CNTNAP5: variants seen among roughly 807,000 people sequenced by gnomAD.
CNTNAP5 encodes contactin-associated protein-like 5.
In CNTNAP5, 72 loss-of-function variants were observed where a neutral mutation model predicts 150.2. That is an observed-to-expected ratio of 0.48 (90% CI 0.40 to 0.58). The LOEUF (loss-of-function observed/expected upper bound fraction) is 0.58. CNTNAP5 is among the 20% of genes least tolerant of loss of function. The probability of loss-of-function intolerance (pLI) is 0.00; values close to 1 mark genes in which losing one functional copy is unlikely to be tolerated. For synonymous variants in CNTNAP5, 672 were observed against 619.8 expected, an observed-to-expected ratio of 1.08 and a Z score of -1.25; for missense variants, 1,636 against 1,626.2, an observed-to-expected ratio of 1.01 and a Z score of -0.10.
intron 16 of CNTNAP5, among the ~76,000 whole-genome samples, chr2:124,766,817 A>G (rs925743852): frequency 4.0e-4 from 61 of 152,320 alleles, no homozygotes; most frequent in African/African-American, 1.5e-3. Flanking sequence ...GTTTGTTTGC[A>G]CTTTGTGGTA....
chr2:124,386,183 G>T (rs2553624), intron 3 of CNTNAP5, among the ~76,000 whole-genome samples: 108,607 of 151,984 alleles, frequency 0.71, 39,830 homozygotes, highest in East Asian at 0.89. Flanking sequence ...TGATAGCTGC[G>T]CAGAATCACC....
intron 11 of CNTNAP5, among the ~76,000 whole-genome samples, chr2:124,608,566 T>C (rs1316863191): frequency 6.6e-6 from 1 of 152,146 alleles, no homozygotes; most frequent in Non-Finnish European, 1.5e-5. Flanking sequence ...AGGAACTCAG[T>C]AAATGCTTAT....
chr2:124,425,140 G>A (rs1187271873), intron 4 of CNTNAP5, among the ~76,000 whole-genome samples: 1 of 152,152 alleles, frequency 6.6e-6, no homozygotes, highest in Middle Eastern at 3.2e-3. Flanking sequence ...AGTGGTCACT[G>A]GAGTGATTGA....
intron 11 of CNTNAP5, among the ~76,000 whole-genome samples, chr2:124,576,256 G>A (rs551423345): frequency 2.6e-5 from 4 of 152,158 alleles, no homozygotes; most frequent in Admixed American, 6.5e-5. Context: ...GTCTGTTAAC[G>A]GAGGAGTTGT....
chr2:124,493,117 A>G (rs1358137307), intron 7 of CNTNAP5, among the ~76,000 whole-genome samples: 1 of 152,064 alleles, frequency 6.6e-6, no homozygotes, highest in Admixed American at 6.6e-5. Context: ...ATGGTCTTAT[A>G]TAGCCTTTAC....
chr2:124,515,286 GC>G (rs1267140399), intron 8 of CNTNAP5, among the ~76,000 whole-genome samples: 1 of 152,208 alleles, frequency 6.6e-6, no homozygotes, highest in Non-Finnish European at 1.5e-5. Flanking sequence ...CTGGGGCAGA[GC>G]GGGGGGTGTC....
intron 10 of CNTNAP5, among the ~76,000 whole-genome samples, chr2:124,533,250 G>T (rs1448026517): frequency 1.3e-5 from 2 of 152,054 alleles, no homozygotes; most frequent in South Asian, 2.1e-4. Flanking sequence ...GGCCATGCAT[G>T]CATGGAGATC....
At chr2:124,178,214 A>G (rs992569425) in intron 1 of CNTNAP5, among the ~76,000 whole-genome samples, 1 of 152,162 alleles carries the variant, frequency 6.6e-6, no homozygotes, top group African/African-American at 2.4e-5. Context: ...GTTATTGCAC[A>G]TACTAAGCAA....
chr2:124,170,580 C>T (rs550015261), intron 1 of CNTNAP5, among the ~76,000 whole-genome samples: 5 of 152,114 alleles, frequency 3.3e-5, no homozygotes, highest in African/African-American at 7.2e-5. Flanking sequence ...ACTACAGGGC[C>T]TTTTAAGGAG....
intron 1 of CNTNAP5, among the ~76,000 whole-genome samples, chr2:124,157,134 G>A (rs1377912146): frequency 6.6e-6 from 1 of 151,824 alleles, no homozygotes; most frequent in African/African-American, 2.4e-5. Flanking sequence ...TAAAGTCTTT[G>A]AGGATTCTTA....
intron 12 of CNTNAP5, among the ~76,000 whole-genome samples, chr2:124,633,751 G>A (rs1034712030): frequency 6.6e-6 from 1 of 152,192 alleles, no homozygotes; most frequent in Admixed American, 6.5e-5. Context: ...GGACATACAG[G>A]CTTTCCAAAT....
At chr2:124,852,259 T>C (rs775679826) in intron 19 of CNTNAP5, among the ~76,000 whole-genome samples, 9 of 152,166 alleles carry the variant, frequency 5.9e-5, no homozygotes, top group Middle Eastern at 3.2e-3. Context: ...AACAGTTAGA[T>C]GGAGGTGCTG....
At chr2:124,062,725 G>T (rs961867600) in intron 1 of CNTNAP5, among the ~76,000 whole-genome samples, 1 of 152,156 alleles carries the variant, frequency 6.6e-6, no homozygotes, top group Non-Finnish European at 1.5e-5. Context: ...AAAGCTCTAA[G>T]TTGTCTGTGT....
intron 13 of CNTNAP5, among the ~76,000 whole-genome samples, chr2:124,706,244 G>T (rs1261081710): frequency 2.0e-5 from 3 of 150,240 alleles, no homozygotes; most frequent in African/African-American, 7.3e-5. Flanking sequence ...GGTTTGAAAA[G>T]AAAAAAAAAG....
At chr2:124,089,776 T>C (rs1364756302) in intron 1 of CNTNAP5, among the ~76,000 whole-genome samples, 1 of 152,228 alleles carries the variant, frequency 6.6e-6, no homozygotes, top group Non-Finnish European at 1.5e-5. Context: ...TCTTAGTTGA[T>C]CATAGCTCTG....
chr2:124,055,899 T>C (rs1573721776), intron 1 of CNTNAP5, among the ~76,000 whole-genome samples: 1 of 151,944 alleles, frequency 6.6e-6, no homozygotes, highest in African/African-American at 2.4e-5. Context: ...TATCCTCAAT[T>C]CCCTCTCCCG....
At chr2:124,880,020 C>T (rs1437966849) in intron 21 of CNTNAP5, among the ~76,000 whole-genome samples, 2 of 152,102 alleles carry the variant, frequency 1.3e-5, no homozygotes, top group Admixed American at 6.6e-5. Context: ...TGCTTTCCCA[C>T]ACAGAAGGAG....
intron 1 of CNTNAP5, among the ~76,000 whole-genome samples, chr2:124,143,741 A>T (rs957592137): frequency 8.1e-5 from 11 of 136,186 alleles, no homozygotes; most frequent in African/African-American, 1.1e-4. Context: ...CAAGACAGGG[A>T]TGTCCTCTCT....
intron 11 of CNTNAP5, among the ~76,000 whole-genome samples, chr2:124,566,497 T>C (rs758456911): frequency 2.0e-5 from 3 of 152,168 alleles, no homozygotes; most frequent in Non-Finnish European, 4.4e-5. Context: ...CTGTCAAGCC[T>C]GATGAGCAGG....
Sources: gnomAD v4.1 joint callset for allele counts (sites outside exome capture counted in the v4.1 genomes callset) on GRCh38, gnomAD v4.1.1 for gene constraint, MANE v1.5 for transcripts, NCBI Gene and HGNC (gene_info 2026-07-23, HGNC 2026-07-21) for gene names.